Variants in OTOA observed in about 807,000 individuals in gnomAD.
OTOA encodes the protein cancer/testis antigen 108.
Under a neutral mutation model 110.8 loss-of-function variants are expected in OTOA, and 70 were observed. The observed-to-expected ratio is 0.63, with a 90% CI of 0.52 to 0.77. The LOEUF (loss-of-function observed/expected upper bound fraction) is 0.77, where lower values mean the gene tolerates loss of function less well. OTOA is among the 30% of genes least tolerant of loss of function. The pLI, the probability that OTOA is intolerant of heterozygous loss-of-function variation, is 0.00. For missense variants in OTOA, 917 were observed against 1,075.8 expected (o/e 0.85, Z 2.06); for synonymous variants, 373 against 431.5 (o/e 0.86, Z 1.68).
chr16:21,678,907 T>C lies in OTOA; in HGVS notation c.92-8T>C. 1.9e-6 allele frequency: 3 copies of C among 1,612,970 alleles called. No individual in the cohort carries two copies. The highest frequency in any genetic ancestry group is 3.3e-5 in the Admixed American group (2 of 60,018). On this transcript the variant is annotated splice_region_variant and splice_polypyrimidine_tract_variant and intron_variant, in intron 2 of 28. Coordinates refer to ENST00000646100, the MANE Select transcript of OTOA (RefSeq NM_144672.4). ...ATTCTAGTTATACATTCAATGGCTT[T>C]CTTACAGATTTGCATCCATTGTTGC... is the stretch of plus-strand genomic sequence containing the variant.
chr16:21,733,954 C>T (rs1295969108), intron 21 of OTOA, among the ~76,000 whole-genome samples: 1 of 152,156 alleles, frequency 6.6e-6, no homozygotes, highest in Non-Finnish European at 1.5e-5. Flanking sequence ...CATACACCAC[C>T]ATGCCGAGTG....
intron 9 of OTOA, among the ~76,000 whole-genome samples, chr16:21,692,093 A>G (rs1282663295): frequency 1.3e-5 from 2 of 152,032 alleles, no homozygotes; most frequent in Non-Finnish European, 2.9e-5. Context: ...TTGGGAGGCC[A>G]AGGCAGGAGG....
intron 4 of OTOA, 43 bp downstream of exon 4, chr16:21,679,109 T>G (rs753679538): frequency 6.2e-7 from 1 of 1,613,332 alleles, no homozygotes; most frequent in Non-Finnish European, 8.5e-7. Context: ...TCTAAGAATT[T>G]CAAACAGAAT....
intron 1 of OTOA, among the ~76,000 whole-genome samples, chr16:21,668,124 T>C (rs766560791): frequency 1.3e-5 from 2 of 152,206 alleles, no homozygotes; most frequent in Non-Finnish European, 2.9e-5. Context: ...TTTGGGTTTT[T>C]TTGAGACAGG....
Position 21,730,671 on chromosome 16 carries a change from G to C in OTOA, c.2208-166G>C, listed in dbSNP as rs1004491613. On this transcript the variant is annotated intron_variant, in intron 20 of 28. Coordinates refer to ENST00000646100, the MANE Select transcript of OTOA (RefSeq NM_144672.4). ...AAACTCCCAGGGATGACTCTGATTG[G>C]TCAGCCTGCATCACATGCCAATTTT... 3 of 600,546 alleles carry C rather than the reference G, an allele frequency of 5.0e-6. No individual in the cohort carries two copies. In the African/African-American group the frequency reaches 5.5e-5, roughly 11 times the overall value. 37.2% of individuals were successfully genotyped at this position (600,546 alleles called of 1,614,324 possible).
Position 21,685,235 on chromosome 16 carries a change from C to T in OTOA, c.273C>T (p.Ala91=), listed in dbSNP as rs774174526. The T allele has an allele frequency of 5.0e-6, 8 of 1,611,872 alleles. No homozygotes were observed. The highest frequency in any genetic ancestry group is 1.3e-5 in the African/African-American group (1 of 74,814). ...TCCCAACACCCCAAATACAGGCAGC[C>T]GTGGAAAACCACCTGGAGCAGCGTC... is the stretch of plus-strand genomic sequence containing the variant. ...VAFTIPSLQA[A]VENHLEQRLH... is the part of the protein sequence containing the mutation. The change falls in exon 7 of 29, where the codon GCC becomes GCT. Residue 91 remains alanine (A), a synonymous_variant. Transcript: ENST00000646100.
At chr16:21,701,128 G>A in intron 11 of OTOA, 101 bp downstream of exon 11, 1 of 1,555,240 alleles carries the variant, frequency 6.4e-7, no homozygotes, top group South Asian at 1.1e-5. Context: ...AAGGGAGGTG[G>A]CTGGTCCATC....
At position 21,685,137 on chromosome 16, in the gene OTOA, A is replaced by AT. The variant is rs149825617; in HGVS notation, c.268-92dup. The AT allele has an allele frequency of 0.11, 169,460 of 1,513,684 alleles. 10,607 individuals carry two copies. Among genetic ancestry groups the AT allele is most frequent in the Non-Finnish European group, 0.13 (140,469 of 1,106,882 alleles). The allele number at this position is 1,513,684 out of a possible 1,614,324, so 93.8% of individuals were successfully genotyped here. A position where few individuals can be genotyped will look rare whatever the true frequency, so the allele number is the denominator to read the frequency against. On this transcript the variant is annotated intron_variant, in intron 6 of 28. Coordinates refer to ENST00000646100, the MANE Select transcript of OTOA (RefSeq NM_144672.4). ...CCACTAGTTGTGGTCTCTGCAGGGA[A>AT]TGAGGGGGCCGGGCTGGGCCGCTGG...
intron 5 of OTOA, among the ~76,000 whole-genome samples, chr16:21,679,566 G>A (rs941057193): frequency 6.6e-6 from 1 of 151,824 alleles, no homozygotes; most frequent in African/African-American, 2.4e-5. Context: ...CACCATGCCC[G>A]GCTAATTTTT....
chr16:21,691,635 A>T lies in OTOA; in HGVS notation c.687A>T (p.Arg229Ser). Residue 229 changes from arginine (R) to serine (S), a missense_variant, in exon 9 of 29, where the codon AGA becomes AGT. Around this residue, in one of 6 missense-constraint regions of OTOA, gnomAD observed 840 missense variants for 910.2 expected, o/e 0.92. Transcript: ENST00000646100. ...LYDKTSAHSQ[R>S]ALYSWMTGIL... ...ACAAAACCTCGGCTCATTCCCAGAG[A>T]GCTCTCTATTCCTGGATGACTGGAA... 6.2e-7 allele frequency: 1 copy of T among 1,613,968 alleles called. No individual in the cohort carries two copies. Among genetic ancestry groups the T allele is most frequent in the Non-Finnish European group, 8.5e-7 (1 of 1,179,938 alleles).
chr16:21,691,820 A>C, intron 9 of OTOA, 133 bp downstream of exon 9: 1 of 789,030 alleles, frequency 1.3e-6, no homozygotes, highest in South Asian at 1.5e-5. Context: ...TTCGAAAAAC[A>C]GTTTGATGTG....
chr16:21,749,556 A>G (rs1899757088), intron 24 of OTOA, among the ~76,000 whole-genome samples: 1 of 148,652 alleles, frequency 6.7e-6, no homozygotes, highest in South Asian at 2.1e-4. Flanking sequence ...AAAAGCAAAG[A>G]GAGTTGGGAA....
In OTOA at chr16:21,687,667, CTTT is replaced by C. The variant is rs397855951; in HGVS notation, c.635+35_635+37del. Reference sequence around the variant, plus strand: ...AGAACCTGTGAGTGGTTCCTCCGAACTTTTTTTTTTTTTTTTTTGAGATGGAGT... The same window carrying C: ...AGAACCTGTGAGTGGTTCCTCCGAACTTTTTTTTTTTTTTTGAGATGGAGT... On this transcript the variant is annotated intron_variant, in intron 8 of 28. Transcript: ENST00000646100. 2.5e-3 allele frequency: 3,273 copies of C among 1,319,836 alleles called. No individual in the cohort carries two copies. The highest frequency in any genetic ancestry group is 3.9e-3 in the Middle Eastern group (15 of 3,892). 81.8% of individuals were successfully genotyped at this position (1,319,836 alleles called of 1,614,324 possible). A position where few individuals can be genotyped will look rare whatever the true frequency, so the allele number is the denominator to read the frequency against.
At position 21,687,296 on chromosome 16, in the gene OTOA, G is replaced by A. The variant is rs916550704; in HGVS notation, c.400-117G>A. ...AAGTTCTAGAAGTTTCAACATAGCA[G>A]CATGGTGTTAAACAGTGATCCTGAC... is the stretch of plus-strand genomic sequence containing the variant. On this transcript the variant is annotated intron_variant, in intron 7 of 28. Transcript: ENST00000646100. 4.8e-6 allele frequency: 4 copies of A among 838,602 alleles called. No individual in the cohort carries two copies. The African/African-American group carries it at 6.7e-5, about 14-fold the overall frequency. The allele number at this position is 838,602 out of a possible 1,614,324, so 51.9% of individuals were successfully genotyped here.
At chr16:21,666,390 G>T (rs1200179663) in intron 1 of OTOA, among the ~76,000 whole-genome samples, 1 of 151,944 alleles carries the variant, frequency 6.6e-6, no homozygotes, top group Non-Finnish European at 1.5e-5. Context: ...TGTCTGGGCT[G>T]GGGTGTCCCA....
intron 5 of OTOA, 102 bp from the exon 6 acceptor site, chr16:21,681,636 C>T (rs973377908): frequency 8.8e-6 from 8 of 912,578 alleles, no homozygotes; most frequent in Non-Finnish European, 1.4e-5. Flanking sequence ...GTCCTAACAC[C>T]CCTGGTCCAT....
chr16:21,714,144 C>G (rs1327385210), intron 13 of OTOA, among the ~76,000 whole-genome samples: 2 of 152,170 alleles, frequency 1.3e-5, no homozygotes, highest in Non-Finnish European at 2.9e-5. Context: ...ATATGGAAAA[C>G]TATCTAGCAT....
At chr16:21,714,300 T>TCTTCCTTCCTTCCTTCCTTCCTTCCTTC (rs753112398) in intron 13 of OTOA, among the ~76,000 whole-genome samples, 82 of 100,258 alleles carry the variant, frequency 8.2e-4, no homozygotes, top group East Asian at 1.6e-3. Context: ...TCTTTTCCTT[T>TCTTCCTTCCTTCCTTCCTTCCTTCCTTC]CTTCCTTCCT....
chr16:21,707,653 CTTTCTCTTT>C (rs1898224742), intron 12 of OTOA, among the ~76,000 whole-genome samples: 3 of 108,956 alleles, frequency 2.8e-5, no homozygotes, highest in Non-Finnish European at 6.2e-5. Context: ...TTCTTTCTTT[CTTTCTCTTT>C]CTTTCTCTTT....
Sources: gnomAD v4.1 joint callset for allele counts (sites outside exome capture counted in the v4.1 genomes callset) on GRCh38, gnomAD v4.1.1 for gene constraint, gnomAD v4.1.1 regional missense constraint, MANE v1.5 for transcripts, NCBI Gene and HGNC (gene_info 2026-07-23, HGNC 2026-07-21) for gene names.